FAM81B: variants seen among roughly 807,000 people sequenced by gnomAD.
FAM81B encodes protein FAM81B.
In FAM81B, 60 loss-of-function variants were observed where a neutral mutation model predicts 58.7. The ratio of observed to expected loss-of-function variants is 1.02; its 90% CI spans 0.83 to 1.27. The LOEUF (loss-of-function observed/expected upper bound fraction) is 1.27, where lower values mean the gene tolerates loss of function less well. Ranked by LOEUF, FAM81B falls within the 50% of genes most tolerant of loss-of-function variation. The probability of loss-of-function intolerance (pLI) is 0.00; values close to 1 mark genes in which losing one functional copy is unlikely to be tolerated. For missense variants in FAM81B, 491 were observed against 522.0 expected (o/e 0.94, Z 0.58); for synonymous variants, 189 against 179.6 (o/e 1.05, Z -0.42).
intron 2 of FAM81B, among the ~76,000 whole-genome samples, chr5:95,394,098 G>A (rs1412869063): frequency 2.0e-5 from 3 of 152,082 alleles, no homozygotes; most frequent in African/African-American, 2.4e-5. Context: ...AATTACAAGC[G>A]AGAATTTTTA....
At chr5:95,432,279 A>C (rs961565606) in intron 6 of FAM81B, among the ~76,000 whole-genome samples, 1 of 152,108 alleles carries the variant, frequency 6.6e-6, no homozygotes, top group South Asian at 2.1e-4. Flanking sequence ...GGTGCAGGAT[A>C]ATGTTTGCTG....
chr5:95,398,346 G>A lies in FAM81B; in HGVS notation c.293+2171G>A, dbSNP rs566217206. Among the ~76,000 whole-genome samples the A allele has an allele frequency of 1.6e-4, 25 of 152,158 alleles. No individual in the cohort carries two copies. In the East Asian group the frequency reaches 2.9e-3, roughly 18 times the overall value. On this transcript the variant is annotated intron_variant, in intron 3 of 9. Coordinates refer to ENST00000283357, the MANE Select transcript of FAM81B (RefSeq NM_152548.3). Reference sequence around the variant, plus strand: ...AGGCAGGAGAATCACTTGAACCCGGGAGGTGGAGGTTGCAGTGAATGGAGA... The same window carrying A: ...AGGCAGGAGAATCACTTGAACCCGGAAGGTGGAGGTTGCAGTGAATGGAGA...
At chr5:95,392,379 T>C (rs1448627917) in intron 1 of FAM81B, among the ~76,000 whole-genome samples, 1 of 152,088 alleles carries the variant, frequency 6.6e-6, no homozygotes, top group Non-Finnish European at 1.5e-5. Flanking sequence ...GGAGGAATAG[T>C]ATTAGGAGAA....
At chr5:95,415,594 C>T (rs1485384636) in intron 4 of FAM81B, among the ~76,000 whole-genome samples, 1 of 152,122 alleles carries the variant, frequency 6.6e-6, no homozygotes, top group Non-Finnish European at 1.5e-5. Context: ...AATGAAGTAT[C>T]ATGAAAGTGA....
chr5:95,432,968 C>CT (rs777812755), intron 6 of FAM81B, among the ~76,000 whole-genome samples: 51 of 151,926 alleles, frequency 3.4e-4, no homozygotes, highest in Non-Finnish European at 4.6e-4. Context: ...TATTTGTAGT[C>CT]TTTTTTGCTG....
intron 6 of FAM81B, among the ~76,000 whole-genome samples, chr5:95,436,213 G>A (rs1299962649): frequency 2.6e-5 from 4 of 152,104 alleles, no homozygotes; most frequent in Non-Finnish European, 5.9e-5. Flanking sequence ...TTCTAAAACT[G>A]GAATTTGTTT....
intron 3 of FAM81B, among the ~76,000 whole-genome samples, chr5:95,397,318 T>C (rs942620017): frequency 1.3e-5 from 2 of 152,188 alleles, no homozygotes; most frequent in Non-Finnish European, 2.9e-5. Context: ...GTTTAAAAAA[T>C]GCAATATTTG....
intron 3 of FAM81B, among the ~76,000 whole-genome samples, chr5:95,412,169 G>A (rs1387585617): frequency 1.3e-5 from 2 of 151,616 alleles, no homozygotes; most frequent in African/African-American, 2.4e-5. Context: ...CATGACTCTC[G>A]TCAGAGAATA....
intron 6 of FAM81B, among the ~76,000 whole-genome samples, chr5:95,431,116 G>C (rs1197429001): frequency 6.6e-6 from 1 of 152,050 alleles, no homozygotes; most frequent in Non-Finnish European, 1.5e-5. Context: ...AATTGCAAAT[G>C]CATTTCCCCA....
At chr5:95,409,319 CG>C (rs1383528059) in intron 3 of FAM81B, among the ~76,000 whole-genome samples, 5 of 151,810 alleles carry the variant, frequency 3.3e-5, no homozygotes, top group South Asian at 2.1e-4. Flanking sequence ...CCACCACATC[CG>C]GCTAACTTTT....
In FAM81B at chr5:95,409,254, G is replaced by A. The variant is rs143651452; in HGVS notation, c.294-4693G>A. On this transcript the variant is annotated intron_variant, in intron 3 of 9. Transcript: ENST00000283357. ...GCTCACTGCAACCTCCACCTTGCGG[G>A]TTCAAGTGATTCTTGTGCCTCTGCC... Among the ~76,000 whole-genome samples, 353 of 152,182 alleles carry A rather than the reference G, an allele frequency of 2.3e-3. 2 individuals are homozygous for A. The highest frequency in any genetic ancestry group is 3.7e-3 in the Admixed American group (56 of 15,290).
intron 3 of FAM81B, among the ~76,000 whole-genome samples, chr5:95,411,777 G>A (rs182188485): frequency 3.3e-5 from 5 of 152,232 alleles, no homozygotes; most frequent in Admixed American, 2.0e-4. Flanking sequence ...CATTTATTGG[G>A]GAAGTTTCAA....
Position 95,392,844 on chromosome 5 carries a change from C to A in FAM81B, c.175C>A (p.Pro59Thr). 2 of 1,612,434 alleles carry A rather than the reference C, an allele frequency of 1.2e-6. No homozygotes were observed. Among genetic ancestry groups the A allele is most frequent in the Non-Finnish European group, 8.5e-7 (1 of 1,179,300 alleles). Reference sequence around the variant, plus strand: ...TCCAACTGCGACTGCAGAGGAACAGCCAGTTGAACCTGATGGCCCCCTTCC... The same window carrying A: ...TCCAACTGCGACTGCAGAGGAACAGACAGTTGAACCTGATGGCCCCCTTCC... Reference protein sequence around the residue: ...ASPTATAEEQPVEPDGPLPGS... With the variant: ...ASPTATAEEQTVEPDGPLPGS... The change falls in exon 2 of 10, where the codon CCA becomes ACA. Residue 59 changes from proline to threonine, a missense_variant. By Grantham distance (38) the Pro-to-Thr change is conservative. Transcript: ENST00000283357.
intron 5 of FAM81B, among the ~76,000 whole-genome samples, chr5:95,425,316 G>T (rs563751286): frequency 6.6e-6 from 1 of 152,120 alleles, no homozygotes. Flanking sequence ...TGAAGTTGCT[G>T]AACAATAAGG....
At chr5:95,412,028 C>T (rs147834983) in intron 3 of FAM81B, among the ~76,000 whole-genome samples, 10 of 152,200 alleles carry the variant, frequency 6.6e-5, no homozygotes, top group African/African-American at 1.7e-4. Context: ...GAAAATTCAA[C>T]GTTTGAAAAA....
chr5:95,412,421 C>T (rs1189730007), intron 3 of FAM81B, among the ~76,000 whole-genome samples: 2 of 152,116 alleles, frequency 1.3e-5, no homozygotes, highest in Non-Finnish European at 2.9e-5. Context: ...TATATTTGAA[C>T]CAGTTGGTAA....
chr5:95,445,937 A>T (rs1275085065), intron 7 of FAM81B, among the ~76,000 whole-genome samples: 2 of 152,168 alleles, frequency 1.3e-5, no homozygotes, highest in African/African-American at 4.8e-5. Context: ...TATCACACTT[A>T]GCCACATTTA....
In FAM81B at chr5:95,450,394, TAA is replaced by T. The variant is rs1312891296; in HGVS notation, c.*113_*114del. On this transcript the variant is annotated 3_prime_UTR_variant, in exon 10 of 10. Transcript: ENST00000283357. Reference sequence around the variant, plus strand: ...GTTTACTGCTTCTAATGTCTCCTTTTAAGGAGACGAATGTACCAGAAAAATAA... The same window carrying T: ...GTTTACTGCTTCTAATGTCTCCTTTTGGAGACGAATGTACCAGAAAAATAA... The T allele has an allele frequency of 1.3e-6, 2 of 1,503,298 alleles. No homozygotes were observed. The highest frequency in any genetic ancestry group is 1.8e-6 in the Non-Finnish European group (2 of 1,122,446). 93.1% of individuals were successfully genotyped at this position (1,503,298 alleles called of 1,614,324 possible).
chr5:95,409,035 T>C (rs372658668), intron 3 of FAM81B, among the ~76,000 whole-genome samples: 3 of 152,240 alleles, frequency 2.0e-5, no homozygotes, highest in East Asian at 3.8e-4. Context: ...CAAAGACTTA[T>C]CTTTAAAAAG....
Sources: allele counts gnomAD v4.1 joint callset (sites outside exome capture counted in the v4.1 genomes callset), GRCh38; gene constraint gnomAD v4.1.1; transcripts MANE v1.5; gene names NCBI Gene and HGNC (gene_info 2026-07-23, HGNC 2026-07-21).